The following USP47 variants were observed in gnomAD, a reference collection of about 807,000 sequenced individuals.
USP47 encodes the protein ubiquitin carboxyl-terminal hydrolase 47.
USP47 carries 35 observed loss-of-function variants against 165.1 expected under a neutral mutation model. The ratio of observed to expected loss-of-function variants is 0.21; its 90% CI spans 0.16 to 0.28. The LOEUF is 0.28. USP47 is among the 10% of genes least tolerant of loss of function. USP47 has a pLI of 1.00. For missense variants in USP47, 1,277 were observed against 1,607.4 expected, an observed-to-expected ratio of 0.79 and a Z score of 3.52; for synonymous variants, 531 against 544.5, an observed-to-expected ratio of 0.98 and a Z score of 0.35.
chr11:11,902,584 T>C (rs912325546), intron 5 of USP47, 131 bp from the exon 6 acceptor site: 1 of 594,764 alleles, frequency 1.7e-6, no homozygotes, highest in African/African-American at 1.9e-5. Flanking sequence ...ATATTATTAG[T>C]TTCAATTAGC....
rs748328653 is a variant in USP47, at chr11:11,961,801, C to T, written c.*5626C>T. On this transcript the variant is annotated 3_prime_UTR_variant, in exon 28 of 28. Transcript: ENST00000527733. ...AACAGCTGTTGAGCAGTTTACCTGA[C>T]GGCATCTGCCATGGCTTGGCAGGAA... is the stretch of plus-strand genomic sequence containing the variant. Among the ~76,000 whole-genome samples, 3 of 152,346 alleles carry T rather than the reference C, an allele frequency of 2.0e-5. No individual in the cohort carries two copies. Among genetic ancestry groups the T allele is most frequent in the Non-Finnish European group, 2.9e-5 (2 of 68,028 alleles).
intron 1 of USP47, among the ~76,000 whole-genome samples, chr11:11,860,499 A>T (rs549957599): frequency 1.3e-5 from 2 of 152,346 alleles, no homozygotes; most frequent in African/African-American, 4.8e-5. Context: ...TTTCAGATGT[A>T]TAATTTCATG....
chr11:11,921,372 T>C (rs1482314475), intron 10 of USP47, among the ~76,000 whole-genome samples: 1 of 151,818 alleles, frequency 6.6e-6, no homozygotes, highest in Admixed American at 6.6e-5. Context: ...ATGAGGCAGT[T>C]TGGTGTAGAA....
intron 8 of USP47, 84 bp downstream of exon 8, chr11:11,905,632 A>G (rs1426909626): frequency 2.3e-6 from 3 of 1,290,230 alleles, no homozygotes; most frequent in Non-Finnish European, 3.1e-6. Context: ...TAAGGTAAGT[A>G]TCATCCTAGA....
intron 3 of USP47, among the ~76,000 whole-genome samples, chr11:11,885,267 G>C (rs143587268): frequency 2.0e-5 from 3 of 152,048 alleles, no homozygotes; most frequent in Admixed American, 1.3e-4. Flanking sequence ...AAATAGCTGC[G>C]GTCCACAGTG....
At chr11:11,885,544 C>T (rs1178019596) in intron 3 of USP47, among the ~76,000 whole-genome samples, 2 of 152,104 alleles carry the variant, frequency 1.3e-5, no homozygotes, top group Non-Finnish European at 2.9e-5. Context: ...GAGATCCCCT[C>T]AGGAGCCCAC....
At chr11:11,909,676 G>A (rs61870729) in intron 8 of USP47, among the ~76,000 whole-genome samples, 2,621 of 152,134 alleles carry the variant, frequency 0.017, 33 homozygotes, top group Middle Eastern at 0.037. Context: ...TGTTCATTAC[G>A]TACATTTAAA....
At chr11:11,854,008 G>A (rs1020204315) in intron 1 of USP47, among the ~76,000 whole-genome samples, 1 of 151,170 alleles carries the variant, frequency 6.6e-6, no homozygotes, top group Admixed American at 6.6e-5. Context: ...GGTGGTGGGC[G>A]CCTGTAGTCC....
rs1189602937 is a variant in USP47 at position 11,936,396 on chromosome 11, G to A, written c.1963G>A (p.Glu655Lys). 13 of 1,610,778 alleles carry A rather than the reference G, an allele frequency of 8.1e-6. No homozygotes were observed. The highest frequency in any genetic ancestry group is 1.0e-5 in the Non-Finnish European group (12 of 1,177,814). The change falls in exon 17 of 28, where the codon GAA (glutamate) becomes AAA (lysine). Residue 655 changes from glutamate (E) to lysine (K), a missense_variant. Glu to Lys is a moderately conservative substitution (Grantham distance 56). This residue lies in a region of USP47 where 909 missense variants were observed against 1,068.1 expected (regional missense o/e 0.85). Coordinates refer to ENST00000527733, the MANE Select transcript of USP47 (RefSeq NM_001282659.2). ...TTATCTAGAACGGTCATATGAAGGA[G>A]AAGAAGATACACCAATGGGGCTTCT... ...HDYLERSYEG[E>K]EDTPMGLLLG... is the part of the protein sequence containing the mutation.
intron 1 of USP47, 27 bp downstream of exon 1, chr11:11,842,251 C>T: frequency 6.4e-7 from 1 of 1,550,450 alleles, no homozygotes. Context: ...GAGGTTAGGC[C>T]TTAGGCCTGC....
At chr11:11,844,158 A>AAT (rs1465117516) in intron 1 of USP47, among the ~76,000 whole-genome samples, 8 of 152,022 alleles carry the variant, frequency 5.3e-5, no homozygotes, top group African/African-American at 1.9e-4. Flanking sequence ...TAAATGACCA[A>AAT]ATTCTTTGAC....
intron 18 of USP47, among the ~76,000 whole-genome samples, chr11:11,939,262 C>G (rs1004141375): frequency 6.6e-6 from 1 of 151,860 alleles, no homozygotes; most frequent in African/African-American, 2.4e-5. Context: ...GTTAATATTC[C>G]CTGGTGTAGT....
At chr11:11,902,579 A>G (rs779903141) in intron 5 of USP47, 136 bp from the exon 6 acceptor site, 54 of 546,574 alleles carry the variant, frequency 9.9e-5, no homozygotes, top group South Asian at 2.8e-4. Flanking sequence ...ATTAGATATT[A>G]TTAGTTTCAA....
At chr11:11,947,329 T>C (rs534520107) in intron 20 of USP47, among the ~76,000 whole-genome samples, 1 of 152,316 alleles carries the variant, frequency 6.6e-6, no homozygotes, top group South Asian at 2.1e-4. Context: ...ACAGTTCCTG[T>C]TAATTACAGC....
At chr11:11,875,076 TG>T (rs58026592) in intron 1 of USP47, among the ~76,000 whole-genome samples, 9,539 of 91,524 alleles carry the variant, frequency 0.1, 522 homozygotes, top group East Asian at 0.37. Context: ...TGTGTGTGTG[TG>T]TGTGTTTAAA....
chr11:11,912,405 G>A lies in USP47; in HGVS notation c.969+6857G>A, dbSNP rs558579127. 2.6e-4 allele frequency among the ~76,000 whole-genome samples: 39 copies of A among 152,100 alleles called. 2 individuals are homozygous for A. In the South Asian group the frequency reaches 8.1e-3, roughly 32 times the overall value. ...CTATAGATCTTGCAGATATCAAAGG[G>A]ATCACAACAAACAACTCTGCACATA... On this transcript the variant is annotated intron_variant, in intron 8 of 27. Coordinates refer to ENST00000527733, the MANE Select transcript of USP47 (RefSeq NM_001282659.2).
intron 27 of USP47, 47 bp from the exon 28 acceptor site, chr11:11,955,954 G>C (rs1021771179): frequency 7.0e-7 from 1 of 1,423,212 alleles, no homozygotes; most frequent in Non-Finnish European, 9.5e-7. Context: ...ATTAATAGAG[G>C]TGGAGGGCTC....
Position 11,952,799 on chromosome 11 carries a change from T to C in USP47, c.3642T>C (p.Pro1214=). Residue 1214 remains proline (P), a synonymous_variant, in exon 25 of 28, where the codon CCT becomes CCC. Coordinates refer to ENST00000527733, the MANE Select transcript of USP47 (RefSeq NM_001282659.2). ...CAGTTTTGTCAAGACGGTGGAAGCC[T>C]TCAGAGATGAAGTTGGATCCCTTCC... ...QLAVLSRRWK[P]SEMKLDPFQE... 1.2e-6 allele frequency: 2 copies of C among 1,613,140 alleles called. No individual in the cohort carries two copies. The highest frequency in any genetic ancestry group is 2.2e-5 in the South Asian group (2 of 91,012).
In USP47 at chr11:11,942,781, T is replaced by C; in HGVS notation, c.2760T>C (p.Ser920=). ...CTTCTGATCCAGAAAATTTTCAGTC[T>C]GAAGAACGATCAGACTCAGATGTGA... The part of the protein sequence containing the change: ...IQTSDPENFQ[S]EERSDSDVNN... The change falls in exon 20 of 28, where the codon TCT becomes TCC. Residue 920 remains serine (S), a synonymous_variant. Coordinates refer to ENST00000527733, the MANE Select transcript of USP47 (RefSeq NM_001282659.2). 6.2e-7 allele frequency: 1 copy of C among 1,613,608 alleles called. No homozygotes were observed. The highest frequency in any genetic ancestry group is 8.5e-7 in the Non-Finnish European group (1 of 1,179,738).
Sources: allele counts gnomAD v4.1 joint callset (sites outside exome capture counted in the v4.1 genomes callset), GRCh38; gene constraint gnomAD v4.1.1; regional missense constraint gnomAD v4.1.1; transcripts MANE v1.5; gene names NCBI Gene and HGNC (gene_info 2026-07-23, HGNC 2026-07-21).